TM9SF2: variants seen among roughly 807,000 people sequenced by gnomAD.
The protein encoded by TM9SF2 is 76 kDa membrane protein.
A neutral mutation model predicts 84.9 loss-of-function variants in TM9SF2; 13 were observed. That is an observed-to-expected ratio of 0.15 (90% CI 0.10 to 0.24). The LOEUF (loss-of-function observed/expected upper bound fraction) is 0.24. Among genes scored for constraint, TM9SF2 ranks in the 10% least tolerant of loss-of-function variants. TM9SF2 has a pLI of 1.00. For synonymous variants in TM9SF2, 273 were observed against 285.8 expected, an observed-to-expected ratio of 0.96 and a Z score of 0.45; for missense variants, 562 against 818.5, an observed-to-expected ratio of 0.69 and a Z score of 3.82.
chr13:99,547,027 C>T lies in TM9SF2; in HGVS notation c.1193C>T (p.Ala398Val), dbSNP rs1039241639. The change falls in exon 11 of 17, where the codon GCG (alanine) becomes GTG (valine). Residue 398 changes from alanine to valine, a missense_variant. Physicochemically the swap from Ala to Val is moderately conservative, Grantham distance 64. This residue lies in a region of TM9SF2 where 219 missense variants were observed against 338.1 expected (regional missense o/e 0.65). Coordinates refer to ENST00000376387, the MANE Select transcript of TM9SF2 (RefSeq NM_004800.3). ...LGFLSPANRG[A>V]LMTCAVVLWV... is the part of the protein sequence containing the mutation. ...TTTTTGTCACCTGCCAACCGAGGAG[C>T]GCTGATGACGTGTGCTGTGGTCCTG... 6.2e-6 allele frequency: 10 copies of T among 1,614,022 alleles called. No homozygotes were observed. The highest frequency in any genetic ancestry group is 8.5e-6 in the Non-Finnish European group (10 of 1,180,040).
At chr13:99,544,048 T>C (rs1766713540) in intron 10 of TM9SF2, 53 bp downstream of exon 10, 2 of 1,598,822 alleles carry the variant, frequency 1.3e-6, no homozygotes, top group Non-Finnish European at 1.7e-6. Context: ...AATACAGTAA[T>C]TGCTTAAAAA....
chr13:99,511,977 A>G (rs1194136001), intron 1 of TM9SF2, among the ~76,000 whole-genome samples: 4 of 152,198 alleles, frequency 2.6e-5, no homozygotes, highest in Non-Finnish European at 5.9e-5. Context: ...TGTGCGTGAT[A>G]GTTATTATCT....
intron 4 of TM9SF2, among the ~76,000 whole-genome samples, chr13:99,531,196 A>C (rs1488820560): frequency 6.6e-6 from 1 of 152,180 alleles, no homozygotes; most frequent in Non-Finnish European, 1.5e-5. Flanking sequence ...TCAAAATCCA[A>C]CATTTGAAGT....
At chr13:99,552,465 ATAG>A (rs1416014421) in intron 13 of TM9SF2, 139 bp downstream of exon 13, 7 of 918,242 alleles carry the variant, frequency 7.6e-6, no homozygotes, top group Non-Finnish European at 1.1e-5. Context: ...TATTTTTAAA[ATAG>A]TAGTATTATT....
chr13:99,556,577 T>TTC (rs200245523), intron 15 of TM9SF2, among the ~76,000 whole-genome samples: 3 of 151,284 alleles, frequency 2.0e-5, no homozygotes, highest in African/African-American at 7.3e-5. Flanking sequence ...TTCATTCCTT[T>TTC]TTTTTTTTTT....
chr13:99,545,451 G>C (rs1456814629), intron 10 of TM9SF2, among the ~76,000 whole-genome samples: 1 of 152,130 alleles, frequency 6.6e-6, no homozygotes, highest in Non-Finnish European at 1.5e-5. Context: ...AATAGGTCAG[G>C]AAAAGGTGTC....
Position 99,562,671 on chromosome 13 carries a change from T to TTCC in TM9SF2, c.1925-19_1925-18insCCT. 1 of 1,609,062 alleles carries TTCC rather than the reference T, an allele frequency of 6.2e-7. No individual in the cohort carries two copies. The highest frequency in any genetic ancestry group is 8.5e-7 in the Non-Finnish European group (1 of 1,178,258). The stretch of plus-strand genomic sequence containing the variant: ...AAACTTCCTTTGAAAAGGGGTTTAT[T>TTCC]TTTATTTTTTCTCTTATAGGAACAA... On this transcript the variant is annotated intron_variant, in intron 16 of 16. Transcript: ENST00000376387.
At chr13:99,547,538 A>G (rs993930134) in intron 11 of TM9SF2, among the ~76,000 whole-genome samples, 1 of 152,242 alleles carries the variant, frequency 6.6e-6, no homozygotes, top group Admixed American at 6.5e-5. Flanking sequence ...ACATTGTATC[A>G]ATTTAATATT....
chr13:99,538,216 G>A (rs1483583763), intron 6 of TM9SF2, among the ~76,000 whole-genome samples: 2 of 152,156 alleles, frequency 1.3e-5, no homozygotes. Context: ...GCTTTCCTCT[G>A]GTCAGAGGCC....
chr13:99,512,558 C>A (rs1032732137), intron 1 of TM9SF2, among the ~76,000 whole-genome samples: 6 of 152,072 alleles, frequency 3.9e-5, no homozygotes, highest in African/African-American at 1.4e-4. Flanking sequence ...GTGAAAACCC[C>A]CCGTGGGCTA....
intron 3 of TM9SF2, among the ~76,000 whole-genome samples, chr13:99,525,595 G>T (rs977108654): frequency 6.9e-6 from 1 of 143,962 alleles, no homozygotes; most frequent in Non-Finnish European, 1.5e-5. Flanking sequence ...TTGCTCTGTA[G>T]CCCAGGCTGG....
intron 15 of TM9SF2, among the ~76,000 whole-genome samples, chr13:99,559,012 T>C (rs1043134388): frequency 1.3e-5 from 2 of 152,254 alleles, no homozygotes; most frequent in African/African-American, 4.8e-5. Flanking sequence ...ACAAGTAGTA[T>C]TAATGTCGAG....
intron 10 of TM9SF2, among the ~76,000 whole-genome samples, chr13:99,546,658 A>G (rs928143794): frequency 1.3e-5 from 2 of 151,906 alleles, no homozygotes; most frequent in African/African-American, 2.4e-5. Context: ...CACTTATGTC[A>G]ATTTTAAAGG....
At chr13:99,550,042 C>T (rs148059718) in intron 12 of TM9SF2, among the ~76,000 whole-genome samples, 44 of 152,324 alleles carry the variant, frequency 2.9e-4, no homozygotes, top group African/African-American at 1.0e-3. Flanking sequence ...CCTCTGTCAA[C>T]TCACGAAGGT....
At chr13:99,511,583 A>G (rs1378490690) in intron 1 of TM9SF2, among the ~76,000 whole-genome samples, 4 of 152,230 alleles carry the variant, frequency 2.6e-5, no homozygotes, top group Non-Finnish European at 5.9e-5. Context: ...TTTAATTTTA[A>G]TTGACTTCAC....
intron 4 of TM9SF2, among the ~76,000 whole-genome samples, chr13:99,536,302 T>G (rs562703451): frequency 2.0e-5 from 3 of 151,814 alleles, no homozygotes; most frequent in South Asian, 2.1e-4. Flanking sequence ...TTTTTTTGTT[T>G]TTTTTTTTTT....
At chr13:99,562,557 T>C in intron 16 of TM9SF2, 134 bp from the exon 17 acceptor site, 1 of 697,586 alleles carries the variant, frequency 1.4e-6, no homozygotes, top group South Asian at 1.9e-5. Context: ...CATAGATCTG[T>C]AGTATATTCC....
At chr13:99,518,984 G>T (rs895446610) in intron 2 of TM9SF2, among the ~76,000 whole-genome samples, 19 of 151,672 alleles carry the variant, frequency 1.3e-4, no homozygotes, top group African/African-American at 3.6e-4. Context: ...TACCATATTG[G>T]GTCTAAAACT....
intron 16 of TM9SF2, 90 bp downstream of exon 16, chr13:99,559,624 G>A: frequency 7.9e-7 from 1 of 1,264,508 alleles, no homozygotes; most frequent in East Asian, 2.6e-5. Context: ...ACCCATGAAG[G>A]CTTATTCTGT....
Sources: gnomAD v4.1 joint callset for allele counts (sites outside exome capture counted in the v4.1 genomes callset) on GRCh38, gnomAD v4.1.1 for gene constraint, gnomAD v4.1.1 regional missense constraint, MANE v1.5 for transcripts, NCBI Gene and HGNC (gene_info 2026-07-23, HGNC 2026-07-21) for gene names.